SYT16: variants seen among roughly 807,000 people sequenced by gnomAD.
The protein encoded by SYT16 is synaptotagmin-16.
SYT16 carries 42 observed loss-of-function variants against 61.4 expected under a neutral mutation model. The ratio of observed to expected loss-of-function variants is 0.68; its 90% CI spans 0.53 to 0.89. The LOEUF is 0.89. SYT16 is among the 40% of genes least tolerant of loss of function. The pLI, the probability that SYT16 is intolerant of heterozygous loss-of-function variation, is 0.00. For synonymous variants in SYT16, 314 were observed against 302.3 expected (o/e 1.04, Z -0.40); for missense variants, 804 against 807.3 (o/e 1.00, Z 0.05).
intron 1 of SYT16, among the ~76,000 whole-genome samples, chr14:61,893,634 C>T (rs982479224): frequency 6.6e-6 from 1 of 152,218 alleles, no homozygotes; most frequent in Non-Finnish European, 1.5e-5. Context: ...CTTAGCAACT[C>T]AGTGAAGCTC....
At chr14:61,870,055 C>G (rs1449239513) in intron 1 of SYT16, among the ~76,000 whole-genome samples, 1 of 152,172 alleles carries the variant, frequency 6.6e-6, no homozygotes, top group Non-Finnish European at 1.5e-5. Flanking sequence ...TATCTAGTCA[C>G]TCTTTTACCA....
At chr14:61,999,523 G>C (rs542873071) in intron 3 of SYT16, among the ~76,000 whole-genome samples, 1 of 151,440 alleles carries the variant, frequency 6.6e-6, no homozygotes. Context: ...AGGATTATTT[G>C]TCTATCCACC....
chr14:62,045,938 C>G (rs1037162139), intron 3 of SYT16, among the ~76,000 whole-genome samples: 22 of 152,238 alleles, frequency 1.4e-4, no homozygotes, highest in African/African-American at 5.3e-4. Context: ...TTTATAGCAG[C>G]ATGATTTATA....
intron 6 of SYT16, among the ~76,000 whole-genome samples, chr14:62,083,045 A>G (rs1016395466): frequency 6.6e-6 from 1 of 152,086 alleles, no homozygotes; most frequent in Non-Finnish European, 1.5e-5. Flanking sequence ...GTAAGCAAAT[A>G]TTTCATTGTT....
rs1372015120 is a variant in SYT16 at position 62,107,759 on chromosome 14, A to G, written c.*7052A>G. Reference sequence around the variant, plus strand: ...TTGTCAGTCTATGCTTTCATTCAAAATAAATGGATATGTTTTGTATCTGGG... The same window carrying G: ...TTGTCAGTCTATGCTTTCATTCAAAGTAAATGGATATGTTTTGTATCTGGG... On this transcript the variant is annotated 3_prime_UTR_variant, in exon 8 of 8. Transcript: ENST00000683842. 2.0e-5 allele frequency: 3 copies of G among 152,194 alleles called. No individual in the cohort carries two copies. In the East Asian group the frequency reaches 5.8e-4, roughly 29 times the overall value. The allele number at this position is 152,194 out of a possible 1,614,324, so 9.4% of individuals were successfully genotyped here.
intron 2 of SYT16, among the ~76,000 whole-genome samples, chr14:61,973,094 A>G (rs961941337): frequency 5.3e-5 from 8 of 152,198 alleles, no homozygotes; most frequent in Non-Finnish European, 7.3e-5. Context: ...AATATATGTG[A>G]GGTTCTGAAG....
chr14:61,964,887 G>A (rs143222083), intron 1 of SYT16, among the ~76,000 whole-genome samples: 2 of 151,100 alleles, frequency 1.3e-5, no homozygotes, highest in African/African-American at 4.9e-5. Context: ...TGAGGGATCA[G>A]TGATTTTTAG....
Position 62,108,688 on chromosome 14 carries a change from G to C in SYT16, c.*7981G>C, listed in dbSNP as rs2057553500. On this transcript the variant is annotated 3_prime_UTR_variant, in exon 8 of 8. Coordinates refer to ENST00000683842, the MANE Select transcript of SYT16 (RefSeq NM_001367656.1). ...CAAATTCAATTTTGTGAAATACAAA[G>C]TCCTTTCCAGAATTTTAAAACTTAA... 1 of 152,070 alleles carries C rather than the reference G, an allele frequency of 6.6e-6. No individual in the cohort carries two copies. Among genetic ancestry groups the C allele is most frequent in the Admixed American group, 6.5e-5 (1 of 15,270 alleles). The allele number at this position is 152,070 out of a possible 1,614,324, so 9.4% of individuals were successfully genotyped here. A position where few individuals can be genotyped will look rare whatever the true frequency, so the allele number is the denominator to read the frequency against.
chr14:61,929,308 T>G (rs2049666779), intron 1 of SYT16, among the ~76,000 whole-genome samples: 1 of 152,194 alleles, frequency 6.6e-6, no homozygotes, highest in African/African-American at 2.4e-5. Flanking sequence ...TTGTTTAAAT[T>G]TTATGAAATA....
chr14:61,846,580 A>G (rs934565772), intron 1 of SYT16, among the ~76,000 whole-genome samples: 1 of 152,116 alleles, frequency 6.6e-6, no homozygotes, highest in Non-Finnish European at 1.5e-5. Flanking sequence ...CTTGTAGGCA[A>G]CAGATCACTG....
chr14:61,995,803 G>A (rs1199064084), intron 2 of SYT16, 73 bp from the exon 3 acceptor site: 16 of 419,084 alleles, frequency 3.8e-5, no homozygotes, highest in Non-Finnish European at 5.4e-5. Flanking sequence ...GTTTGACATC[G>A]TCTGTAGGTA....
intron 1 of SYT16, among the ~76,000 whole-genome samples, chr14:61,830,389 C>G (rs1272559112): frequency 2.0e-5 from 3 of 152,200 alleles, no homozygotes; most frequent in Non-Finnish European, 4.4e-5. Flanking sequence ...GTCTTATTCA[C>G]TTTTGTGGGC....
intron 3 of SYT16, among the ~76,000 whole-genome samples, chr14:62,008,373 A>G (rs1472061987): frequency 6.6e-6 from 1 of 152,088 alleles, no homozygotes; most frequent in African/African-American, 2.4e-5. Flanking sequence ...TGCTCTTTAC[A>G]TTTCCTAGTT....
intron 3 of SYT16, among the ~76,000 whole-genome samples, chr14:62,051,492 TG>T (rs1318858414): frequency 6.6e-6 from 1 of 152,210 alleles, no homozygotes; most frequent in Non-Finnish European, 1.5e-5. Context: ...ACCCACTGTC[TG>T]GCACTACCCA....
chr14:61,873,894 T>C (rs2047406718), intron 1 of SYT16, among the ~76,000 whole-genome samples: 1 of 152,202 alleles, frequency 6.6e-6, no homozygotes, highest in Non-Finnish European at 1.5e-5. Flanking sequence ...CCTTTTAAAA[T>C]TTTCGTATGT....
chr14:61,999,193 G>A (rs1298969629), intron 3 of SYT16, among the ~76,000 whole-genome samples: 1 of 151,550 alleles, frequency 6.6e-6, no homozygotes, highest in African/African-American at 2.4e-5. Flanking sequence ...AGAAAAATTT[G>A]TGTACAATTA....
chr14:61,866,712 G>A (rs1594787339), intron 1 of SYT16, among the ~76,000 whole-genome samples: 1 of 152,034 alleles, frequency 6.6e-6, no homozygotes, highest in Non-Finnish European at 1.5e-5. Context: ...TCTGTGGCTT[G>A]CCTTTTAGTT....
In SYT16 at chr14:62,100,577, G is replaced by A. The variant is rs747375303; in HGVS notation, c.1808G>A (p.Arg603His). Residue 603 changes from arginine (R) to histidine (H), a missense_variant, in exon 8 of 8, where the codon CGT (arginine) becomes CAT (histidine). Coordinates refer to ENST00000683842, the MANE Select transcript of SYT16 (RefSeq NM_001367656.1). ...ISVYNRRTMK[R>H]KEMIGWIALG... ...GTTTATAACAGGCGTACTATGAAGC[G>A]TAAAGAGATGATTGGCTGGATTGCC... 8.1e-6 allele frequency: 13 copies of A among 1,613,614 alleles called. 1 individual carries two copies. The highest frequency in any genetic ancestry group is 5.5e-5 in the South Asian group (5 of 91,054).
At chr14:61,826,876 C>T (rs80107963) in intron 1 of SYT16, among the ~76,000 whole-genome samples, 7,084 of 151,960 alleles carry the variant, frequency 0.047, 343 homozygotes, top group African/African-American at 0.11. Context: ...AATACCCCAA[C>T]CCCTTTTAAT....
Sources: allele counts gnomAD v4.1 joint callset (sites outside exome capture counted in the v4.1 genomes callset), GRCh38; gene constraint gnomAD v4.1.1; transcripts MANE v1.5; gene names NCBI Gene and HGNC (gene_info 2026-07-23, HGNC 2026-07-21).